Variants in SCUBE2 observed in about 807,000 individuals in gnomAD.
SCUBE2 encodes the protein signal peptide, CUB and EGF-like domain-containing protein 2.
In SCUBE2, 114 loss-of-function variants were observed where a neutral mutation model predicts 125.9. That is an observed-to-expected ratio of 0.91 (90% CI 0.78 to 1.06). The LOEUF is 1.06. SCUBE2 is among the 50% of genes least tolerant of loss of function. The probability of loss-of-function intolerance (pLI) is 0.00; values close to 1 mark genes in which losing one functional copy is unlikely to be tolerated. For synonymous variants in SCUBE2, 459 were observed against 492.9 expected (o/e 0.93, Z 0.91); for missense variants, 1,255 against 1,301.8 (o/e 0.96, Z 0.55).
Position 9,069,452 on chromosome 11 carries a change from G to A in SCUBE2, c.561C>T (p.Ile187=), listed in dbSNP as rs1352188891. The change falls in exon 5 of 23, where the codon ATC becomes ATT. Residue 187 remains isoleucine (I), a synonymous_variant. Transcript: ENST00000649792. The part of the protein sequence containing the change: ...CMNKDHGCSH[I]CKEAPRGSVA... ...CGCTGCCCCTTGGGGCCTCCTTGCA[G>A]ATGTGACTACAGCCGTGATCCTTAT... is the stretch of plus-strand genomic sequence containing the variant. The A allele has an allele frequency of 6.2e-7, 1 of 1,614,140 alleles. No homozygotes were observed. Among genetic ancestry groups the A allele is most frequent in the African/African-American group, 1.3e-5 (1 of 74,948 alleles).
At chr11:9,028,821 A>G (rs542206279) in intron 19 of SCUBE2, among the ~76,000 whole-genome samples, 1 of 152,308 alleles carries the variant, frequency 6.6e-6, no homozygotes, top group South Asian at 2.1e-4. Context: ...ATACAAGGGA[A>G]CATTCATCTT....
Position 9,025,748 on chromosome 11 carries a change from T to G in SCUBE2, c.2808A>C (p.Glu936Asp). The G allele has an allele frequency of 6.2e-7, 1 of 1,614,196 alleles. No homozygotes were observed. ...KKLWIQFKSN[E>D]GNSARGFQVP... ...CCTGGAACCCTCTAGCGCTGTTCCC[T>G]TCATTGGACTTGAACTGAATCCACA... is the stretch of plus-strand genomic sequence containing the variant. Residue 936 changes from glutamate (E) to aspartate (D), a missense_variant, in exon 21 of 23, where the codon GAA becomes GAC. Glu to Asp is a conservative substitution (Grantham distance 45). Coordinates refer to ENST00000649792, the MANE Select transcript of SCUBE2 (RefSeq NM_001367977.2).
chr11:9,043,441 T>C (rs1857418299), intron 16 of SCUBE2, among the ~76,000 whole-genome samples: 1 of 151,696 alleles, frequency 6.6e-6, no homozygotes, highest in Admixed American at 6.6e-5. Flanking sequence ...CTTAAGAAAT[T>C]TGTTCCTTGG....
intron 9 of SCUBE2, 91 bp from the exon 10 acceptor site, chr11:9,056,000 A>G (rs915750704): frequency 8.7e-6 from 8 of 922,654 alleles, no homozygotes; most frequent in African/African-American, 8.1e-5. Flanking sequence ...GCTGACCAAC[A>G]CCAAAAACAA....
chr11:9,078,484 A>G (rs955407567), intron 3 of SCUBE2, among the ~76,000 whole-genome samples: 17 of 152,208 alleles, frequency 1.1e-4, no homozygotes, highest in Non-Finnish European at 1.3e-4. Context: ...TTCTGTCTGG[A>G]CTTTTTCTAG....
At chr11:9,074,346 G>T in intron 4 of SCUBE2, 135 bp downstream of exon 4, 3 of 1,059,222 alleles carry the variant, frequency 2.8e-6, no homozygotes, top group African/African-American at 1.6e-5. Flanking sequence ...CCCGGCAGTG[G>T]AGTCTGGACT....
At position 9,085,553 on chromosome 11, in the gene SCUBE2, C is replaced by T. The variant is rs147329758; in HGVS notation, c.256+4154G>A. ...CATCCTGGCTAACACGGTGAAACCC[C>T]GTCTTTGCTAAAAATACAAAAAATT... On this transcript the variant is annotated intron_variant, in intron 2 of 22. Transcript: ENST00000649792. Among the ~76,000 whole-genome samples, 431 of 152,112 alleles carry T rather than the reference C, an allele frequency of 2.8e-3. 2 individuals are homozygous for T. Among genetic ancestry groups the T allele is most frequent in the East Asian group, 0.027 (140 of 5,150 alleles).
At chr11:9,028,194 C>T (rs959224906) in intron 19 of SCUBE2, among the ~76,000 whole-genome samples, 5 of 143,862 alleles carry the variant, frequency 3.5e-5, no homozygotes, top group African/African-American at 1.3e-4. Context: ...GCCATCAGGC[C>T]TGGCTAATTT....
rs1566200528 is a variant in SCUBE2 at position 9,051,218 on chromosome 11, CTATCTAT to C, written c.1535-515_1535-509del. On this transcript the variant is annotated intron_variant, in intron 13 of 22. Coordinates refer to ENST00000649792, the MANE Select transcript of SCUBE2 (RefSeq NM_001367977.2). Reference sequence around the variant, plus strand: ...TCTATCTATCTATCTATCTATCTATCTATCTATCTACCTACCTACCTATCTATCTATC... The same window carrying C: ...TCTATCTATCTATCTATCTATCTATCCTACCTACCTACCTATCTATCTATC... Among the ~76,000 whole-genome samples the C allele has an allele frequency of 2.6e-3, 385 of 145,404 alleles. 2 individuals are homozygous for C. The highest frequency in any genetic ancestry group is 8.0e-3 in the African/African-American group (325 of 40,444).
Position 9,054,699 on chromosome 11 carries a change from G to GTATATATATATATATA in SCUBE2, c.1208-941_1208-940insTATATATATATATATA, listed in dbSNP as rs1491160291. Among the ~76,000 whole-genome samples, 290 of 44,648 alleles carry GTATATATATATATATA rather than the reference G, an allele frequency of 6.5e-3. 41 individuals carry two copies. The highest frequency in any genetic ancestry group is 0.01 in the East Asian group (9 of 858). The allele number at this position is 44,648 out of a possible 152,430, so 29.3% of individuals were successfully genotyped here. A position where few individuals can be genotyped will look rare whatever the true frequency, so the allele number is the denominator to read the frequency against. ...GATAACTGTCAGTAGCAAAGCACTA[G>GTATATATATATATATA]TGTATATATATATATATATATATAT... On this transcript the variant is annotated intron_variant, in intron 10 of 22. Coordinates refer to ENST00000649792, the MANE Select transcript of SCUBE2 (RefSeq NM_001367977.2).
chr11:9,044,179 A>G (rs1242706618), intron 16 of SCUBE2, among the ~76,000 whole-genome samples: 1 of 152,240 alleles, frequency 6.6e-6, no homozygotes, highest in Non-Finnish European at 1.5e-5. Context: ...TTGCTCCGCT[A>G]TCATGTTAGA....
chr11:9,035,283 G>C (rs1199357278), intron 16 of SCUBE2, among the ~76,000 whole-genome samples: 1 of 152,116 alleles, frequency 6.6e-6, no homozygotes, highest in African/African-American at 2.4e-5. Context: ...TAAGGATCTA[G>C]GTACTATTAT....
Position 9,027,408 on chromosome 11 carries a change from G to A in SCUBE2, c.2657C>T (p.Pro886Leu). 1.2e-6 allele frequency: 2 copies of A among 1,614,012 alleles called. No individual in the cohort carries two copies. The highest frequency in any genetic ancestry group is 2.2e-5 in the South Asian group (2 of 91,066). The stretch of plus-strand genomic sequence containing the variant: ...ATAGTCCCCACAGTCGTCCTCTATG[G>A]GCAGGAAGATCTCAGGGACCACGAT... ...ILIVVPEIFLPIEDDCGDYLV... is the reference protein window; with the variant it reads ...ILIVVPEIFLLIEDDCGDYLV... The change falls in exon 20 of 23, where the codon CCC becomes CTC. Residue 886 changes from proline to leucine, a missense_variant. Pro to Leu is a moderately conservative substitution (Grantham distance 98). Around this residue, in one of 3 missense-constraint regions of SCUBE2, gnomAD observed 515 missense variants for 515.7 expected, o/e 1.00. Transcript: ENST00000649792.
At chr11:9,029,451 C>T (rs952875240) in intron 19 of SCUBE2, among the ~76,000 whole-genome samples, 3 of 152,238 alleles carry the variant, frequency 2.0e-5, no homozygotes, top group Admixed American at 1.3e-4. Context: ...AGCCTTTCCT[C>T]ATCTCTCGAG....
chr11:9,052,895 C>A, intron 12 of SCUBE2, 63 bp from the exon 13 acceptor site: 1 of 1,325,814 alleles, frequency 7.5e-7, no homozygotes, highest in Non-Finnish European at 1.0e-6. Flanking sequence ...CTGGTAGCAG[C>A]TAAACTGTCC....
chr11:9,058,595 CAAAAAAAAAAAAAAAAAA>C (rs61409328), intron 9 of SCUBE2, among the ~76,000 whole-genome samples: 6 of 44,314 alleles, frequency 1.4e-4, no homozygotes, highest in Admixed American at 4.1e-4. Context: ...GACTCTGTCT[CAAAAAAAAAAAAAAAAAA>C]AAAAAAAAAA....
intron 4 of SCUBE2, among the ~76,000 whole-genome samples, chr11:9,070,442 G>T (rs983162749): frequency 6.6e-6 from 1 of 152,158 alleles, no homozygotes; most frequent in African/African-American, 2.4e-5. Context: ...TCATACCCTA[G>T]AATACTTTCA....
chr11:9,091,452 AGCAGTGGCG>A lies in SCUBE2; in HGVS notation c.68_76del (p.Pro23_Leu25del). 7.6e-7 allele frequency: 1 copy of A among 1,315,618 alleles called. No homozygotes were observed. Among genetic ancestry groups the A allele is most frequent in the Non-Finnish European group, 9.6e-7 (1 of 1,039,068 alleles). 81.5% of individuals were successfully genotyped at this position (1,315,618 alleles called of 1,614,324 possible). ...CGGCGGGACGGCCCCCGCCAGCAGC[AGCAGTGGCG>A]GCAGCAGCAGCAGCAGCAGCAGCAC... On this transcript the variant is annotated inframe_deletion, in exon 1 of 23. Transcript: ENST00000649792. This position sits in a 1 kb window ranked among gnomAD's most constrained non-coding sequence, Gnocchi z 8.5.
chr11:9,029,294 C>T (rs1856063164), intron 19 of SCUBE2, among the ~76,000 whole-genome samples: 1 of 152,238 alleles, frequency 6.6e-6, no homozygotes, highest in African/African-American at 2.4e-5. Flanking sequence ...CCCTTCGGCA[C>T]ATTCTAGCCT....
Sources: allele counts gnomAD v4.1 joint callset (sites outside exome capture counted in the v4.1 genomes callset), GRCh38; gene constraint gnomAD v4.1.1; regional missense constraint gnomAD v4.1.1; non-coding constraint Gnocchi (gnomAD v3.1); transcripts MANE v1.5; gene names NCBI Gene and HGNC (gene_info 2026-07-23, HGNC 2026-07-21).